The following RPRD1B variants were observed in gnomAD, a reference collection of about 807,000 sequenced individuals.
RPRD1B encodes regulation of nuclear pre-mRNA domain-containing protein 1B.
Under a neutral mutation model 41.5 loss-of-function variants are expected in RPRD1B, and 11 were observed. The ratio of observed to expected loss-of-function variants is 0.27; its 90% CI spans 0.17 to 0.44. The LOEUF (loss-of-function observed/expected upper bound fraction) is 0.44, where lower values mean the gene tolerates loss of function less well. Ranked by LOEUF, RPRD1B falls within the 20% of genes least tolerant of loss-of-function variation. RPRD1B has a pLI of 1.00. For synonymous variants in RPRD1B, 158 were observed against 155.6 expected, an observed-to-expected ratio of 1.02 and a Z score of -0.12; for missense variants, 248 against 389.9, an observed-to-expected ratio of 0.64 and a Z score of 3.06.
chr20:38,063,067 C>G (rs1226302465), intron 5 of RPRD1B, among the ~76,000 whole-genome samples: 1 of 152,110 alleles, frequency 6.6e-6, no homozygotes. Flanking sequence ...ACTCACTGCT[C>G]AAGTCATATG....
At chr20:38,075,795 A>G (rs1261131768) in intron 6 of RPRD1B, among the ~76,000 whole-genome samples, 1 of 152,250 alleles carries the variant, frequency 6.6e-6, no homozygotes, top group South Asian at 2.1e-4. Context: ...GATGAAAGCC[A>G]TGAGCCCCAA....
At chr20:38,054,782 C>G (rs970704455) in intron 3 of RPRD1B, among the ~76,000 whole-genome samples, 1 of 152,164 alleles carries the variant, frequency 6.6e-6, no homozygotes, top group Admixed American at 6.5e-5. Flanking sequence ...ACTGAGTGCT[C>G]TTCTAGGTGC....
At chr20:38,071,591 T>C (rs1394278335) in intron 6 of RPRD1B, among the ~76,000 whole-genome samples, 1 of 152,218 alleles carries the variant, frequency 6.6e-6, no homozygotes, top group East Asian at 1.9e-4. Context: ...GGTAATTCTA[T>C]GTAACATTTT....
chr20:38,073,729 A>G (rs1218947288), intron 6 of RPRD1B, among the ~76,000 whole-genome samples: 2 of 152,180 alleles, frequency 1.3e-5, no homozygotes, highest in Admixed American at 6.5e-5. Flanking sequence ...TCAGTGTCCT[A>G]TCATGGTAAG....
chr20:38,036,086 C>T (rs1263610190), intron 1 of RPRD1B, among the ~76,000 whole-genome samples: 1 of 152,046 alleles, frequency 6.6e-6, no homozygotes, highest in Non-Finnish European at 1.5e-5. Context: ...TTTTGTGACA[C>T]TTTCTTGATT....
rs144776841 is a variant in RPRD1B, at chr20:38,039,507, C to T, written c.152-928C>T. On this transcript the variant is annotated intron_variant, in intron 1 of 6. Coordinates refer to ENST00000373433, the MANE Select transcript of RPRD1B (RefSeq NM_021215.4). Reference sequence around the variant, plus strand: ...ACAACCTCTACCTCCCGGATTCAAGCGATTCTCCCACCTCAGCCTCCTGAG... The same window carrying T: ...ACAACCTCTACCTCCCGGATTCAAGTGATTCTCCCACCTCAGCCTCCTGAG... Among the ~76,000 whole-genome samples the T allele has an allele frequency of 6.8e-3, 1,034 of 151,844 alleles. 5 individuals are homozygous for T. The highest frequency in any genetic ancestry group is 0.02 in the African/African-American group (820 of 41,324).
chr20:38,057,318 A>G (rs2074253379), intron 3 of RPRD1B, among the ~76,000 whole-genome samples: 1 of 152,200 alleles, frequency 6.6e-6, no homozygotes, highest in Non-Finnish European at 1.5e-5. Context: ...CCAGAGAATC[A>G]ATCTGAGATG....
intron 1 of RPRD1B, among the ~76,000 whole-genome samples, chr20:38,038,504 T>TTG (rs1463229605): frequency 7.0e-6 from 1 of 142,626 alleles, no homozygotes; most frequent in African/African-American, 2.6e-5. Context: ...TTTTTTTTTT[T>TTG]TTTTTTTTTT....
intron 6 of RPRD1B, among the ~76,000 whole-genome samples, chr20:38,087,383 C>T (rs537470235): frequency 1.2e-4 from 18 of 152,262 alleles, no homozygotes; most frequent in African/African-American, 4.1e-4. Context: ...TGATGATAAC[C>T]CAAGAGTAAG....
chr20:38,091,498 TATG>T lies in RPRD1B; in HGVS notation c.*1624_*1626del, dbSNP rs2074611444. ...GAATTCAGACTGTGTGTTGTTTGCT[TATG>T]GACACTGCCTGTCGTTCTGTCACTG... On this transcript the variant is annotated 3_prime_UTR_variant, in exon 7 of 7. Transcript: ENST00000373433. The T allele has an allele frequency of 1.0e-6, 1 of 985,300 alleles. No homozygotes were observed. Among genetic ancestry groups the T allele is most frequent in the African/African-American group, 1.7e-5 (1 of 57,218 alleles). The allele number at this position is 985,300 out of a possible 1,614,324, so 61.0% of individuals were successfully genotyped here. A position where few individuals can be genotyped will look rare whatever the true frequency, so the allele number is the denominator to read the frequency against.
At chr20:38,061,898 G>C (rs907990294) in intron 5 of RPRD1B, among the ~76,000 whole-genome samples, 2 of 152,126 alleles carry the variant, frequency 1.3e-5, no homozygotes, top group African/African-American at 4.8e-5. Context: ...TTAATCCACA[G>C]AACCTGTGTA....
intron 4 of RPRD1B, among the ~76,000 whole-genome samples, chr20:38,058,435 C>T (rs1242422875): frequency 6.6e-6 from 1 of 152,200 alleles, no homozygotes; most frequent in African/African-American, 2.4e-5. Context: ...TTAAAGACTA[C>T]AGCCTAGATT....
At chr20:38,073,346 A>T (rs1426882263) in intron 6 of RPRD1B, among the ~76,000 whole-genome samples, 1 of 152,170 alleles carries the variant, frequency 6.6e-6, no homozygotes, top group Non-Finnish European at 1.5e-5. Context: ...TCATGAACTT[A>T]AAGCTGCTGG....
At chr20:38,084,930 A>G (rs2074546489) in intron 6 of RPRD1B, among the ~76,000 whole-genome samples, 1 of 152,162 alleles carries the variant, frequency 6.6e-6, no homozygotes, top group Non-Finnish European at 1.5e-5. Flanking sequence ...GAGGATCCTG[A>G]CACAGGTTTG....
chr20:38,051,605 A>G (rs1359974110), intron 3 of RPRD1B, among the ~76,000 whole-genome samples: 1 of 152,248 alleles, frequency 6.6e-6, no homozygotes, highest in Admixed American at 6.5e-5. Context: ...ACGACTTTAA[A>G]GCTGATATTC....
At chr20:38,063,831 G>A (rs6126948) in intron 5 of RPRD1B, among the ~76,000 whole-genome samples, 46,987 of 152,058 alleles carry the variant, frequency 0.31, 7,277 homozygotes, top group East Asian at 0.4. Context: ...CCCCCGAAGC[G>A]AGCATCTGGC....
Position 38,034,037 on chromosome 20 carries a change from C to T in RPRD1B, c.90C>T (p.Leu30=), listed in dbSNP as rs1246149815. 1.2e-6 allele frequency: 2 copies of T among 1,614,210 alleles called. No individual in the cohort carries two copies. Among genetic ancestry groups the T allele is most frequent in the Admixed American group, 3.3e-5 (2 of 60,034 alleles). Residue 30 remains leucine (L), a synonymous_variant, in exon 1 of 7, where the codon CTC becomes CTT. Coordinates refer to ENST00000373433, the MANE Select transcript of RPRD1B (RefSeq NM_021215.4). ...QQSVQTLSLW[L]IHHRKHAGPI... is the part of the protein sequence containing the mutation. ...GCGTGCAGACCCTGTCCCTTTGGCTCATCCACCACCGCAAGCACGCGGGAC... is the reference window on the plus strand; with the variant it reads ...GCGTGCAGACCCTGTCCCTTTGGCTTATCCACCACCGCAAGCACGCGGGAC...
In RPRD1B at chr20:38,090,290, G is replaced by A. The variant is rs1024953475; in HGVS notation, c.*415G>A. 7.1e-6 allele frequency: 7 copies of A among 988,358 alleles called. No individual in the cohort carries two copies. Among genetic ancestry groups the A allele is most frequent in the African/African-American group, 7.0e-5 (4 of 57,388 alleles). The allele number at this position is 988,358 out of a possible 1,614,324, so 61.2% of individuals were successfully genotyped here. A position where few individuals can be genotyped will look rare whatever the true frequency, so the allele number is the denominator to read the frequency against. On this transcript the variant is annotated 3_prime_UTR_variant, in exon 7 of 7. Transcript: ENST00000373433. Reference sequence around the variant, plus strand: ...TTCTGGGCTGGGCTTGTTCAAGTTCGGTGTGGGCTTCCACTAAGGCACTTG... The same window carrying A: ...TTCTGGGCTGGGCTTGTTCAAGTTCAGTGTGGGCTTCCACTAAGGCACTTG...
At chr20:38,062,438 G>T (rs1005577345) in intron 5 of RPRD1B, among the ~76,000 whole-genome samples, 2 of 152,140 alleles carry the variant, frequency 1.3e-5, no homozygotes, top group Non-Finnish European at 2.9e-5. Context: ...CTCCTACTCA[G>T]TTTTATTAGT....
Sources: gnomAD v4.1 joint callset for allele counts (sites outside exome capture counted in the v4.1 genomes callset) on GRCh38, gnomAD v4.1.1 for gene constraint, MANE v1.5 for transcripts, NCBI Gene and HGNC (gene_info 2026-07-23, HGNC 2026-07-21) for gene names.